The following NCOA2 variants were observed in gnomAD, a reference collection of about 807,000 sequenced individuals.
NCOA2 encodes class E basic helix-loop-helix protein 75.
A neutral mutation model predicts 145.1 loss-of-function variants in NCOA2; 21 were observed. That is an observed-to-expected ratio of 0.14 (90% CI 0.10 to 0.21). NCOA2 has a LOEUF of 0.21. NCOA2 is among the 10% of genes least tolerant of loss of function. The pLI is 1.00. For synonymous variants in NCOA2, 619 were observed against 637.5 expected (o/e 0.97, Z 0.44); for missense variants, 1,472 against 1,837.6 (o/e 0.80, Z 3.64).
At chr8:70,207,275 A>G (rs1214488957) in intron 4 of NCOA2, among the ~76,000 whole-genome samples, 1 of 152,238 alleles carries the variant, frequency 6.6e-6, no homozygotes, top group Non-Finnish European at 1.5e-5. Context: ...TCTACTTTCT[A>G]TCAGAGTGTG....
At chr8:70,425,273 AT>A in the NCOA2 span, among the ~76,000 whole-genome samples, 10 of 151,392 alleles carry the variant, frequency 6.6e-5, no homozygotes, top group African/African-American at 1.9e-4. Flanking sequence ...GCTCCCCTTT[AT>A]TTTTTTTAAT....
chr8:70,291,724 A>G (rs1380220754), intron 2 of NCOA2, among the ~76,000 whole-genome samples: 1 of 152,210 alleles, frequency 6.6e-6, no homozygotes, highest in African/African-American at 2.4e-5. Flanking sequence ...CTAAGTAATA[A>G]ACAAAACATT....
At chr8:70,328,215 A>T (rs1806768002) in intron 1 of NCOA2, among the ~76,000 whole-genome samples, 3 of 152,348 alleles carry the variant, frequency 2.0e-5, no homozygotes, top group Admixed American at 1.3e-4. Context: ...ACTTTTCAGC[A>T]GAATAGCTAT....
chr8:70,236,405 T>C (rs868293011), intron 2 of NCOA2, among the ~76,000 whole-genome samples: 26 of 152,160 alleles, frequency 1.7e-4, no homozygotes, highest in Non-Finnish European at 8.8e-5. Flanking sequence ...ACCTTTTCTG[T>C]TTGCCCGGGA....
intron 20 of NCOA2, 84 bp downstream of exon 20, chr8:70,124,604 G>T: frequency 1.5e-6 from 2 of 1,330,430 alleles, no homozygotes; most frequent in South Asian, 3.1e-5. Flanking sequence ...CAAACAGAAA[G>T]CTCCTCGGGT....
chr8:70,328,086 T>C (rs1341333694), intron 1 of NCOA2, among the ~76,000 whole-genome samples: 2 of 152,260 alleles, frequency 1.3e-5, no homozygotes, highest in Non-Finnish European at 2.9e-5. Flanking sequence ...TTAGCACTAT[T>C]ATACATTAGT....
chr8:70,309,594 C>T (rs951388060), intron 1 of NCOA2, among the ~76,000 whole-genome samples: 1 of 151,926 alleles, frequency 6.6e-6, no homozygotes, highest in Admixed American at 6.6e-5. Context: ...TACAAGAAAA[C>T]ATTATGTATC....
At chr8:70,277,521 T>C (rs1049790189) in intron 2 of NCOA2, among the ~76,000 whole-genome samples, 8 of 152,164 alleles carry the variant, frequency 5.3e-5, no homozygotes, top group African/African-American at 1.7e-4. Context: ...TAAAATAAAA[T>C]CTTTGCTAAA....
At chr8:70,361,650 G>C (rs1810211127) in intron 1 of NCOA2, among the ~76,000 whole-genome samples, 1 of 152,104 alleles carries the variant, frequency 6.6e-6, no homozygotes, top group Non-Finnish European at 1.5e-5. Flanking sequence ...GTTGTCTTCA[G>C]CTTTCCCTAA....
chr8:70,391,657 T>C (rs556639966), intron 1 of NCOA2, among the ~76,000 whole-genome samples: 32 of 152,328 alleles, frequency 2.1e-4, no homozygotes, highest in African/African-American at 7.2e-4. Context: ...GATAGAACAA[T>C]TGCATCCTCT....
At chr8:70,298,348 T>C (rs1045793754) in intron 1 of NCOA2, among the ~76,000 whole-genome samples, 4 of 152,214 alleles carry the variant, frequency 2.6e-5, no homozygotes, top group African/African-American at 9.6e-5. Flanking sequence ...CTGGCCAGTC[T>C]TGAACTCATC....
At chr8:70,206,036 A>G (rs1300154422) in intron 4 of NCOA2, among the ~76,000 whole-genome samples, 1 of 152,198 alleles carries the variant, frequency 6.6e-6, no homozygotes, top group Non-Finnish European at 1.5e-5. Flanking sequence ...AGCAGCCAGG[A>G]AACATGTGGG....
chr8:70,306,292 A>G (rs1314141029), intron 1 of NCOA2, among the ~76,000 whole-genome samples: 2 of 152,116 alleles, frequency 1.3e-5, no homozygotes, highest in African/African-American at 4.8e-5. Flanking sequence ...CTCATGACTA[A>G]CAGAGTTTCT....
At chr8:70,142,483 GA>G (rs1810551719) in intron 13 of NCOA2, among the ~76,000 whole-genome samples, 1 of 152,096 alleles carries the variant, frequency 6.6e-6, no homozygotes, top group Non-Finnish European at 1.5e-5. Context: ...CAGATTGCTT[GA>G]GCCCAGGAAT....
rs550330768 is a variant in NCOA2, at chr8:70,216,758, T to C, written c.-13A>G. On this transcript the variant is annotated 5_prime_UTR_variant, in exon 3 of 23. Transcript: ENST00000452400. ...CCATCCCACTCATCTTGAACACATA[T>C]CAGCAACTAAAACAGAAAACAGAGA... is the stretch of plus-strand genomic sequence containing the variant. 1.9e-6 allele frequency: 3 copies of C among 1,582,016 alleles called. No individual in the cohort carries two copies. Among genetic ancestry groups the C allele is most frequent in the African/African-American group, 1.3e-5 (1 of 74,112 alleles).
the NCOA2 span, among the ~76,000 whole-genome samples, chr8:70,451,237 A>AAAAATATAT: frequency 8.5e-4 from 59 of 69,504 alleles, no homozygotes; most frequent in African/African-American, 4.2e-3. Context: ...AAAAAAAAAA[A>AAAAATATAT]ATATATATAT....
chr8:70,371,616 T>C (rs1457462414), intron 1 of NCOA2, among the ~76,000 whole-genome samples: 1 of 152,212 alleles, frequency 6.6e-6, no homozygotes, highest in Non-Finnish European at 1.5e-5. Context: ...GATATTTTAC[T>C]ATTGGCTAGC....
chr8:70,184,940 T>C (rs990947349), intron 4 of NCOA2, among the ~76,000 whole-genome samples: 3 of 152,198 alleles, frequency 2.0e-5, no homozygotes, highest in African/African-American at 7.2e-5. Flanking sequence ...CTAGGAATCC[T>C]CCCTGCTCCT....
chr8:70,268,875 T>C (rs1824820612), intron 2 of NCOA2, among the ~76,000 whole-genome samples: 1 of 152,232 alleles, frequency 6.6e-6, no homozygotes, highest in Admixed American at 6.5e-5. Context: ...TCATTTTGGT[T>C]AGTAGGCTCT....
Sources: allele counts gnomAD v4.1 joint callset (sites outside exome capture counted in the v4.1 genomes callset), GRCh38; gene constraint gnomAD v4.1.1; transcripts MANE v1.5; gene names NCBI Gene and HGNC (gene_info 2026-07-23, HGNC 2026-07-21).